Variants in TBC1D22A observed in about 807,000 individuals in gnomAD.
The protein encoded by TBC1D22A is putative GTPase activator.
A neutral mutation model predicts 60.2 loss-of-function variants in TBC1D22A; 38 were observed. The observed-to-expected ratio is 0.63, with a 90% CI of 0.49 to 0.83. TBC1D22A has a LOEUF of 0.83. Ranked by LOEUF, TBC1D22A falls within the 40% of genes least tolerant of loss-of-function variation. The pLI is 0.00. For missense variants in TBC1D22A, 628 were observed against 701.0 expected (o/e 0.90, Z 1.18); for synonymous variants, 302 against 281.7 (o/e 1.07, Z -0.72).
chr22:47,123,302 C>T (rs2066337155), intron 12 of TBC1D22A, among the ~76,000 whole-genome samples: 1 of 152,208 alleles, frequency 6.6e-6, no homozygotes, highest in Non-Finnish European at 1.5e-5. Flanking sequence ...AGCCCCCTTG[C>T]TGTGCTTACT....
At chr22:46,957,416 G>T (rs1216462649) in intron 8 of TBC1D22A, among the ~76,000 whole-genome samples, 1 of 152,218 alleles carries the variant, frequency 6.6e-6, no homozygotes, top group African/African-American at 2.4e-5. Context: ...GGGAAAGCAG[G>T]CATCTTCTTC....
chr22:46,861,884 C>T (rs1425182737), intron 4 of TBC1D22A, among the ~76,000 whole-genome samples: 2 of 152,218 alleles, frequency 1.3e-5, no homozygotes, highest in Non-Finnish European at 2.9e-5. Context: ...CTAAGGATCC[C>T]ATGAGAACAT....
At chr22:46,906,743 C>G (rs1253208022) in intron 7 of TBC1D22A, among the ~76,000 whole-genome samples, 1 of 150,100 alleles carries the variant, frequency 6.7e-6, no homozygotes, top group Non-Finnish European at 1.5e-5. Context: ...GTTTCACTGG[C>G]CCGTGGCTGT....
chr22:46,863,005 A>C (rs544522162), intron 4 of TBC1D22A, among the ~76,000 whole-genome samples: 1 of 152,294 alleles, frequency 6.6e-6, no homozygotes, highest in East Asian at 1.9e-4. Flanking sequence ...GATTTCTACC[A>C]CTGCAGTTGC....
At chr22:47,150,068 T>C (rs1376633722) in intron 12 of TBC1D22A, among the ~76,000 whole-genome samples, 1 of 152,134 alleles carries the variant, frequency 6.6e-6, no homozygotes, top group Non-Finnish European at 1.5e-5. Context: ...CTGGTCTTAC[T>C]GTTCCTGTCT....
In TBC1D22A at chr22:47,173,732, G is replaced by C; in HGVS notation, c.*106G>C. 1 of 1,542,062 alleles carries C rather than the reference G, an allele frequency of 6.5e-7. No homozygotes were observed. Among genetic ancestry groups the C allele is most frequent in the South Asian group, 1.2e-5 (1 of 85,050 alleles). ...TGGTCCCGGGCTGCTAAAAGGCCTT[G>C]TGAGGTGGCCCCACCCTCCAGGGGA... On this transcript the variant is annotated 3_prime_UTR_variant, in exon 13 of 13. Transcript: ENST00000337137.
At chr22:47,164,265 CT>C (rs1200440255) in intron 12 of TBC1D22A, among the ~76,000 whole-genome samples, 2 of 152,236 alleles carry the variant, frequency 1.3e-5, no homozygotes, top group African/African-American at 4.8e-5. Flanking sequence ...AGACATGGGC[CT>C]CTGTGGCCTC....
At chr22:46,905,376 AG>A (rs1458830155) in intron 7 of TBC1D22A, among the ~76,000 whole-genome samples, 1 of 152,220 alleles carries the variant, frequency 6.6e-6, no homozygotes, top group Non-Finnish European at 1.5e-5. Flanking sequence ...TTGGCTTCAT[AG>A]CTTGCCAGCA....
At position 47,049,230 on chromosome 22, in the gene TBC1D22A, C is replaced by T. The variant is rs185105086; in HGVS notation, c.1329+12032C>T. On this transcript the variant is annotated intron_variant, in intron 11 of 12. Coordinates refer to ENST00000337137, the MANE Select transcript of TBC1D22A (RefSeq NM_014346.5). ...TTTCCTGGGCCAACCTTCGGCTTTG[C>T]GCCACTGTTCCAGTATTGACATTTT... is the stretch of plus-strand genomic sequence containing the variant. Among the ~76,000 whole-genome samples, 195 of 152,340 alleles carry T rather than the reference C, an allele frequency of 1.3e-3. 1 individual carries two copies. Among genetic ancestry groups the T allele is most frequent in the Non-Finnish European group, 3.4e-4 (23 of 68,042 alleles).
chr22:47,129,860 A>G (rs960134145), intron 12 of TBC1D22A, among the ~76,000 whole-genome samples: 1 of 152,146 alleles, frequency 6.6e-6, no homozygotes, highest in Non-Finnish European at 1.5e-5. Flanking sequence ...TGCTGTGTCT[A>G]CTGTTTTCTT....
At chr22:46,987,236 C>T (rs371030426) in intron 9 of TBC1D22A, among the ~76,000 whole-genome samples, 2 of 152,238 alleles carry the variant, frequency 1.3e-5, no homozygotes, top group East Asian at 1.9e-4. Flanking sequence ...AGAAATTAGT[C>T]TCCATCTCTC....
chr22:47,042,794 G>A lies in TBC1D22A; in HGVS notation c.1329+5596G>A, dbSNP rs139522757. On this transcript the variant is annotated intron_variant, in intron 11 of 12. Transcript: ENST00000337137. ...TCAAGAAGCAGCCTGTTCTGCTGCCGCTGGTGCATCATCATGGCACCTGAT... is the reference window on the plus strand; with the variant it reads ...TCAAGAAGCAGCCTGTTCTGCTGCCACTGGTGCATCATCATGGCACCTGAT... 1.5e-3 allele frequency among the ~76,000 whole-genome samples: 233 copies of A among 152,324 alleles called. 2 individuals carry two copies. The highest frequency in any genetic ancestry group is 5.3e-3 in the African/African-American group (222 of 41,556).
intron 12 of TBC1D22A, among the ~76,000 whole-genome samples, chr22:47,125,293 C>T (rs2066415038): frequency 6.6e-6 from 1 of 152,210 alleles, no homozygotes; most frequent in Non-Finnish European, 1.5e-5. Context: ...AGAACACATT[C>T]TTTTGTTCCC....
chr22:47,163,862 G>A (rs1244493834), intron 12 of TBC1D22A, among the ~76,000 whole-genome samples: 2 of 152,208 alleles, frequency 1.3e-5, no homozygotes, highest in African/African-American at 4.8e-5. Context: ...GCACTGGGAC[G>A]CCAAGAGTCC....
chr22:47,069,233 G>C (rs1295253579), intron 11 of TBC1D22A, among the ~76,000 whole-genome samples: 2 of 152,230 alleles, frequency 1.3e-5, no homozygotes, highest in African/African-American at 4.8e-5. Context: ...GGCACACGTA[G>C]ACCAAACTGA....
chr22:47,100,879 A>G (rs541125416), intron 11 of TBC1D22A, among the ~76,000 whole-genome samples: 2 of 152,302 alleles, frequency 1.3e-5, no homozygotes, highest in East Asian at 3.9e-4. Context: ...CTGTCTACCA[A>G]CAGCTCGCCT....
intron 11 of TBC1D22A, among the ~76,000 whole-genome samples, chr22:47,067,896 G>C (rs2063831434): frequency 1.3e-5 from 2 of 152,208 alleles, no homozygotes; most frequent in South Asian, 4.1e-4. Flanking sequence ...TCGACCACCT[G>C]TTCATGCACG....
chr22:47,063,773 T>C lies in TBC1D22A; in HGVS notation c.1329+26575T>C, dbSNP rs568303810. Among the ~76,000 whole-genome samples the C allele has an allele frequency of 2.6e-5, 4 of 152,248 alleles. No homozygotes were observed. In the East Asian group the frequency reaches 7.7e-4, roughly 29 times the overall value. On this transcript the variant is annotated intron_variant, in intron 11 of 12. Coordinates refer to ENST00000337137, the MANE Select transcript of TBC1D22A (RefSeq NM_014346.5). ...CTTCGAGGGAGAATCTGCCCCATGC[T>C]TCCCCTTCCCGCCTCCATGTGTTAC...
chr22:46,893,167 C>T (rs2068491298), intron 6 of TBC1D22A, among the ~76,000 whole-genome samples: 1 of 152,232 alleles, frequency 6.6e-6, no homozygotes, highest in African/African-American at 2.4e-5. Context: ...GCTTGCTTTC[C>T]ATCCTTTCTT....
Sources: gnomAD v4.1 joint callset for allele counts (sites outside exome capture counted in the v4.1 genomes callset) on GRCh38, gnomAD v4.1.1 for gene constraint, MANE v1.5 for transcripts, NCBI Gene and HGNC (gene_info 2026-07-23, HGNC 2026-07-21) for gene names.